The following ANKRD30B variants were observed in gnomAD, a reference collection of about 807,000 sequenced individuals.
ANKRD30B encodes the protein ankyrin repeat domain-containing protein 30B.
A neutral mutation model predicts 202.2 loss-of-function variants in ANKRD30B; 144 were observed. The ratio of observed to expected loss-of-function variants is 0.71; its 90% CI spans 0.62 to 0.82. ANKRD30B has a LOEUF of 0.82. Among genes scored for constraint, ANKRD30B ranks in the 40% least tolerant of loss-of-function variants. ANKRD30B has a pLI of 0.00. For missense variants in ANKRD30B, 1,487 were observed against 1,669.1 expected, an observed-to-expected ratio of 0.89 and a Z score of 1.90; for synonymous variants, 508 against 561.3, an observed-to-expected ratio of 0.91 and a Z score of 1.34.
chr18:14,768,797 G>A (rs1273841527), intron 7 of ANKRD30B, among the ~76,000 whole-genome samples: 2 of 152,214 alleles, frequency 1.3e-5, no homozygotes, highest in South Asian at 4.1e-4. Context: ...ACTTTCTAAG[G>A]TTGACACTGT....
chr18:14,804,665 A>T (rs1384163387), intron 24 of ANKRD30B, among the ~76,000 whole-genome samples: 2 of 150,776 alleles, frequency 1.3e-5, no homozygotes, highest in African/African-American at 4.9e-5. Flanking sequence ...AGGAGAAAGC[A>T]TTATGGTGCT....
At chr18:14,790,894 T>C (rs536173203) in intron 15 of ANKRD30B, among the ~76,000 whole-genome samples, 41 of 152,102 alleles carry the variant, frequency 2.7e-4, no homozygotes, top group Non-Finnish European at 5.7e-4. Flanking sequence ...ATCAGGATGA[T>C]GCTGGCCTCA....
At chr18:14,809,957 A>G in intron 26 of ANKRD30B, 29 bp from the exon 27 acceptor site, 3 of 1,400,678 alleles carry the variant, frequency 2.1e-6, no homozygotes, top group Non-Finnish European at 3.0e-6. Flanking sequence ...CTTGCATATA[A>G]TCAATTATAT....
intron 15 of ANKRD30B, among the ~76,000 whole-genome samples, chr18:14,787,744 C>T (rs1408658379): frequency 2.6e-5 from 4 of 152,138 alleles, no homozygotes; most frequent in East Asian, 1.9e-4. Flanking sequence ...GCAGCATGAG[C>T]GTGAAATAAT....
At chr18:14,795,562 G>A (rs1968818078) in intron 16 of ANKRD30B, among the ~76,000 whole-genome samples, 1 of 151,926 alleles carries the variant, frequency 6.6e-6, no homozygotes, top group South Asian at 2.1e-4. Flanking sequence ...ATTTTGAGAG[G>A]ACTAAACCAG....
intron 22 of ANKRD30B, among the ~76,000 whole-genome samples, chr18:14,799,580 A>G (rs1969180230): frequency 6.6e-6 from 1 of 152,232 alleles, no homozygotes; most frequent in South Asian, 2.1e-4. Context: ...GTTTTAAGGC[A>G]GGTGAATTTT....
chr18:14,835,664 A>G (rs991551817), intron 34 of ANKRD30B, among the ~76,000 whole-genome samples: 2 of 151,520 alleles, frequency 1.3e-5, no homozygotes, highest in African/African-American at 4.8e-5. Context: ...TTTTCTTTAT[A>G]TGAAATCTTT....
the ANKRD30B span, among the ~76,000 whole-genome samples, chr18:14,862,905 G>A: frequency 2.6e-5 from 4 of 152,318 alleles, no homozygotes; most frequent in South Asian, 6.2e-4. Flanking sequence ...TGCCCTACTG[G>A]GTTTCAGATT....
At chr18:14,921,807 C>T in the ANKRD30B span, among the ~76,000 whole-genome samples, 32 of 152,200 alleles carry the variant, frequency 2.1e-4, no homozygotes, top group African/African-American at 6.7e-4. Context: ...TTTCTCACCA[C>T]GTGGCCTTAG....
chr18:14,837,592 T>G, intron 35 of ANKRD30B, 23 bp from the exon 36 acceptor site: 1 of 1,484,244 alleles, frequency 6.7e-7, no homozygotes, highest in Non-Finnish European at 9.1e-7. Context: ...CTCATATACA[T>G]GTCTGTGAAT....
At chr18:14,860,046 G>GGGA in the ANKRD30B span, among the ~76,000 whole-genome samples, 2 of 141,522 alleles carry the variant, frequency 1.4e-5, no homozygotes, top group Non-Finnish European at 3.1e-5. Flanking sequence ...CAGACAGGGT[G>GGGA]GCCGGGCAGA....
At chr18:14,830,857 T>G (rs912590320) in intron 33 of ANKRD30B, among the ~76,000 whole-genome samples, 4 of 151,994 alleles carry the variant, frequency 2.6e-5, no homozygotes, top group Non-Finnish European at 4.4e-5. Context: ...GTTGGAGAGA[T>G]AGAGTCAAAA....
At chr18:14,870,998 C>T in the ANKRD30B span, among the ~76,000 whole-genome samples, 20 of 138,094 alleles carry the variant, frequency 1.4e-4, no homozygotes, top group Middle Eastern at 3.7e-3. Context: ...CACCCGCCCA[C>T]CCCCACCCAC....
At chr18:14,760,658 C>G in intron 6 of ANKRD30B, 40 bp downstream of exon 6, 1 of 1,392,310 alleles carries the variant, frequency 7.2e-7, no homozygotes, top group East Asian at 2.5e-5. Context: ...ATGGTGCTAC[C>G]ATAAGATTAG....
chr18:14,791,621 C>G lies in ANKRD30B; in HGVS notation c.1825+130C>G, dbSNP rs67282980. The G allele has an allele frequency of 4.1e-4, 285 of 695,032 alleles. 1 individual carries two copies. The highest frequency in any genetic ancestry group is 4.0e-3 in the African/African-American group (221 of 55,154). The allele number at this position is 695,032 out of a possible 1,614,324, so 43.1% of individuals were successfully genotyped here. ...AAGCACAGAAAAAAGAGAAGTGAAA[C>G]GGTGATAAGTTATACGTCTTATCAG... On this transcript the variant is annotated intron_variant, in intron 16 of 43. Transcript: ENST00000690538.
At chr18:14,835,719 T>A (rs1298027553) in intron 34 of ANKRD30B, among the ~76,000 whole-genome samples, 1 of 151,796 alleles carries the variant, frequency 6.6e-6, no homozygotes, top group Non-Finnish European at 1.5e-5. Context: ...AATAGGCAAT[T>A]TGAGCTAGTA....
chr18:14,752,740 A>T (rs45487996), intron 2 of ANKRD30B, 60 bp downstream of exon 2: 98,721 of 1,540,072 alleles, frequency 0.064, 3,730 homozygotes, highest in Admixed American at 0.14. Context: ...ATAGAATAAA[A>T]ATGAATTTAG....
chr18:14,776,533 T>C (rs1967362454), intron 9 of ANKRD30B, among the ~76,000 whole-genome samples: 1 of 152,200 alleles, frequency 6.6e-6, no homozygotes, highest in African/African-American at 2.4e-5. Flanking sequence ...CAGTGGACCA[T>C]ATTTGTTCAT....
At chr18:14,769,669 T>A (rs1289849513) in intron 8 of ANKRD30B, among the ~76,000 whole-genome samples, 2 of 152,206 alleles carry the variant, frequency 1.3e-5, no homozygotes, top group African/African-American at 2.4e-5. Flanking sequence ...ATCCCTTCTC[T>A]TCTCCCTCAG....
Sources: gnomAD v4.1 joint callset for allele counts (sites outside exome capture counted in the v4.1 genomes callset) on GRCh38, gnomAD v4.1.1 for gene constraint, MANE v1.5 for transcripts, NCBI Gene and HGNC (gene_info 2026-07-23, HGNC 2026-07-21) for gene names.